Variants in LRP1B observed in about 807,000 individuals in gnomAD.
LRP1B encodes the protein LDL receptor related protein 1B.
Under a neutral mutation model 556.6 loss-of-function variants are expected in LRP1B, and 217 were observed. That is an observed-to-expected ratio of 0.39 (90% CI 0.35 to 0.44). The LOEUF is 0.44. Among genes scored for constraint, LRP1B ranks in the 20% least tolerant of loss-of-function variants. LRP1B has a pLI of 1.00. For missense variants in LRP1B, 5,053 were observed against 5,620.8 expected (o/e 0.90, Z 3.23); for synonymous variants, 2,047 against 1,865.8 (o/e 1.10, Z -2.50).
At chr2:140,779,638 T>C (rs865884411) in intron 32 of LRP1B, among the ~76,000 whole-genome samples, 5 of 140,368 alleles carry the variant, frequency 3.6e-5, no homozygotes, top group African/African-American at 1.4e-4. Flanking sequence ...GAGGTTGCAG[T>C]GAGGCAAGAT....
chr2:141,677,488 G>GTA (rs1258903778), intron 2 of LRP1B, among the ~76,000 whole-genome samples: 5 of 151,892 alleles, frequency 3.3e-5, no homozygotes, highest in Admixed American at 6.6e-5. Flanking sequence ...AGTTTTATAT[G>GTA]TATATATATA....
chr2:141,884,287 G>A (rs1365225765), intron 1 of LRP1B, among the ~76,000 whole-genome samples: 1 of 152,072 alleles, frequency 6.6e-6, no homozygotes, highest in African/African-American at 2.4e-5. Context: ...GAGGCGGTAG[G>A]ATTGCTTGAG....
intron 47 of LRP1B, among the ~76,000 whole-genome samples, chr2:140,528,959 A>G (rs1690561614): frequency 6.6e-6 from 1 of 152,024 alleles, no homozygotes; most frequent in Non-Finnish European, 1.5e-5. Context: ...TGAAATCTCT[A>G]ATTTGCCAAG....
At chr2:142,068,177 G>A (rs549836838) in intron 1 of LRP1B, among the ~76,000 whole-genome samples, 79 of 151,616 alleles carry the variant, frequency 5.2e-4, no homozygotes, top group Middle Eastern at 3.4e-3. Context: ...CCATGTAAGT[G>A]TTATTTTATG....
In LRP1B at chr2:141,030,949, G is replaced by A. The variant is rs966979978; in HGVS notation, c.1790-10847C>T. Among the ~76,000 whole-genome samples the A allele has an allele frequency of 7.9e-5, 12 of 151,938 alleles. No homozygotes were observed. In the East Asian group the frequency reaches 1.4e-3, roughly 17 times the overall value. On this transcript the variant is annotated intron_variant, in intron 11 of 90. Transcript: ENST00000389484. ...ATATTGTTTTTCTTAGTCTATGACC[G>A]AGTCTAAAATAAACCTGGTCTGAGT...
intron 63 of LRP1B, among the ~76,000 whole-genome samples, chr2:140,448,762 T>C (rs1351478734): frequency 6.6e-6 from 1 of 152,066 alleles, no homozygotes; most frequent in Admixed American, 6.6e-5. Flanking sequence ...TTAAGTATTC[T>C]CATCACAAAA....
intron 20 of LRP1B, among the ~76,000 whole-genome samples, chr2:140,943,181 G>T (rs1695450146): frequency 6.6e-6 from 1 of 152,010 alleles, no homozygotes; most frequent in Non-Finnish European, 1.5e-5. Context: ...GTAAAAAAGG[G>T]CAAAGAAGGG....
At chr2:140,877,348 G>A (rs894106486) in intron 25 of LRP1B, among the ~76,000 whole-genome samples, 1 of 152,000 alleles carries the variant, frequency 6.6e-6, no homozygotes, top group African/African-American at 2.4e-5. Flanking sequence ...TTCACAACCT[G>A]CTAAAAATGA....
chr2:140,597,126 C>A (rs1057306055), intron 43 of LRP1B, among the ~76,000 whole-genome samples: 1 of 152,040 alleles, frequency 6.6e-6, no homozygotes, highest in Non-Finnish European at 1.5e-5. Context: ...ATGAGGTAAT[C>A]TAGATGCATG....
chr2:141,649,156 G>A (rs766629739), intron 2 of LRP1B, among the ~76,000 whole-genome samples: 2 of 152,126 alleles, frequency 1.3e-5, no homozygotes, highest in African/African-American at 2.4e-5. Context: ...GTCACTGATA[G>A]CTTTCCAAAT....
intron 1 of LRP1B, among the ~76,000 whole-genome samples, chr2:142,102,704 T>A (rs1321204011): frequency 1.3e-5 from 2 of 151,792 alleles, no homozygotes; most frequent in Admixed American, 6.6e-5. Context: ...GAAAACAGAA[T>A]CAGATACTTT....
chr2:142,012,016 C>T (rs1042483251), intron 1 of LRP1B, among the ~76,000 whole-genome samples: 10 of 152,044 alleles, frequency 6.6e-5, no homozygotes, highest in Non-Finnish European at 1.3e-4. Context: ...CTTATGATTA[C>T]TGTGTTTTTC....
At position 140,604,949 on chromosome 2, in the gene LRP1B, G is replaced by A. The variant is rs192098447; in HGVS notation, c.6800-3310C>T. 6.6e-5 allele frequency among the ~76,000 whole-genome samples: 10 copies of A among 152,190 alleles called. 1 individual carries two copies. The highest frequency in any genetic ancestry group is 2.9e-5 in the Non-Finnish European group (2 of 68,008). On this transcript the variant is annotated intron_variant, in intron 41 of 90. Coordinates refer to ENST00000389484, the MANE Select transcript of LRP1B (RefSeq NM_018557.3). The stretch of plus-strand genomic sequence containing the variant: ...TGTTCTTTCACTCTCCACCATGATC[G>A]TGAGGCCTCCCCAGTCATGTGGAAC...
rs116960671 is a variant in LRP1B, at chr2:141,216,063, C to A, written c.850+13120G>T. Among the ~76,000 whole-genome samples, 15 of 152,194 alleles carry A rather than the reference C, an allele frequency of 9.9e-5. No homozygotes were observed. In the East Asian group the frequency reaches 2.9e-3, roughly 29 times the overall value. On this transcript the variant is annotated intron_variant, in intron 6 of 90. Coordinates refer to ENST00000389484, the MANE Select transcript of LRP1B (RefSeq NM_018557.3). Reference sequence around the variant, plus strand: ...CACTTCAGAGGCTTTTGTGGTGGCCCCTTTCATCACATGCCTAGAGACATA... The same window carrying A: ...CACTTCAGAGGCTTTTGTGGTGGCCACTTTCATCACATGCCTAGAGACATA...
chr2:141,511,163 T>C (rs35266942), intron 2 of LRP1B, among the ~76,000 whole-genome samples: 22,046 of 152,146 alleles, frequency 0.14, 1,746 homozygotes, highest in African/African-American at 0.18. Flanking sequence ...TATGAAAATA[T>C]GTGGTGCAGT....
intron 29 of LRP1B, among the ~76,000 whole-genome samples, chr2:140,845,323 C>A (rs1378960413): frequency 3.9e-5 from 6 of 152,052 alleles, no homozygotes; most frequent in Admixed American, 3.9e-4. Context: ...CATTGAGAAC[C>A]TACTATTTGT....
chr2:141,518,657 G>C (rs1265603397), intron 2 of LRP1B, among the ~76,000 whole-genome samples: 1 of 152,084 alleles, frequency 6.6e-6, no homozygotes, highest in African/African-American at 2.4e-5. Flanking sequence ...GAATAAAAGA[G>C]GGAGAGAGAG....
intron 79 of LRP1B, 120 bp from the exon 80 acceptor site, chr2:140,325,998 T>G (rs1205289873): frequency 3.1e-6 from 2 of 637,780 alleles, no homozygotes; most frequent in Non-Finnish European, 5.6e-6. Context: ...TCATAGAAAT[T>G]ACCTGGTGCC....
At chr2:140,595,922 A>G (rs183117142) in intron 43 of LRP1B, among the ~76,000 whole-genome samples, 3 of 152,176 alleles carry the variant, frequency 2.0e-5, no homozygotes, top group Non-Finnish European at 2.9e-5. Context: ...ATTTTGTAAA[A>G]TTATCTTTAC....
Sources: allele counts gnomAD v4.1 joint callset (sites outside exome capture counted in the v4.1 genomes callset), GRCh38; gene constraint gnomAD v4.1.1; transcripts MANE v1.5; gene names NCBI Gene and HGNC (gene_info 2026-07-23, HGNC 2026-07-21).